DIAPH2: variants seen among roughly 807,000 people sequenced by gnomAD.
The protein encoded by DIAPH2 is diaphanous related formin 2.
In DIAPH2, 35 loss-of-function variants were observed where a neutral mutation model predicts 92.7. That is an observed-to-expected ratio of 0.38 (90% CI 0.29 to 0.50). The LOEUF (loss-of-function observed/expected upper bound fraction) is 0.50. Ranked by LOEUF, DIAPH2 falls within the 20% of genes least tolerant of loss-of-function variation. The probability of loss-of-function intolerance (pLI) is 0.94; values close to 1 mark genes in which losing one functional copy is unlikely to be tolerated. For missense variants in DIAPH2, 701 were observed against 819.5 expected (o/e 0.86, Z 1.77); for synonymous variants, 301 against 280.4 (o/e 1.07, Z -0.73).
intron 22 of DIAPH2, among the ~76,000 whole-genome samples, chrX:97,161,592 G>A (rs1347266265): frequency 9.0e-6 from 1 of 110,942 alleles, no homozygotes; most frequent in African/African-American, 3.3e-5. Context: ...TGGTGGAGAA[G>A]GGGGTTTCGC....
chrX:97,362,446 CAG>C (rs1027650471), intron 24 of DIAPH2, among the ~76,000 whole-genome samples: 8 of 111,964 alleles, frequency 7.1e-5, no homozygotes, highest in Admixed American at 3.8e-4. Flanking sequence ...TCTTAGAAAA[CAG>C]AAATGTAAAT....
chrX:96,952,506 C>T (rs565626255), intron 15 of DIAPH2, among the ~76,000 whole-genome samples: 11 of 111,107 alleles, frequency 9.9e-5, no homozygotes, highest in African/African-American at 2.9e-4. Context: ...GAGGCCGAGG[C>T]GGGCAGATCA....
intron 26 of DIAPH2, among the ~76,000 whole-genome samples, chrX:97,490,769 A>G (rs1697101431): frequency 9.0e-6 from 1 of 111,273 alleles, no homozygotes; most frequent in Non-Finnish European, 1.9e-5. Context: ...GTCAGAAAAG[A>G]TACTGTGTAG....
At chrX:96,865,149 A>C (rs150341969) in intron 4 of DIAPH2, among the ~76,000 whole-genome samples, 1,622 of 112,186 alleles carry the variant, frequency 0.014, 12 homozygotes, top group Middle Eastern at 0.023. Flanking sequence ...AAAATACCAA[A>C]TAGTAATGAG....
At chrX:96,955,345 C>T (rs1173866899) in intron 15 of DIAPH2, among the ~76,000 whole-genome samples, 2 of 111,754 alleles carry the variant, frequency 1.8e-5, no homozygotes, top group African/African-American at 6.5e-5. Flanking sequence ...CCCCCTGGTC[C>T]CGCCCTTGAC....
rs145918977 is a variant in DIAPH2 at position 96,949,824 on chromosome X, C to T, written c.1614+785C>T. ...GCAGTGAGCCGAGATCCCGCCACTG[C>T]ACTCCAGCCTGGGTGACAGAGCGAG... On this transcript the variant is annotated intron_variant, in intron 15 of 26. Transcript: ENST00000324765. Among the ~76,000 whole-genome samples the T allele has an allele frequency of 6.7e-5, 7 of 104,389 alleles. No homozygotes were observed. The East Asian group carries it at 2.1e-3, about 32-fold the overall frequency. The allele number at this position is 104,389 out of a possible 115,157, so 90.6% of individuals were successfully genotyped here.
chrX:96,988,041 A>T (rs2066043920), intron 17 of DIAPH2, among the ~76,000 whole-genome samples: 1 of 110,155 alleles, frequency 9.1e-6, no homozygotes, highest in African/African-American at 3.3e-5. Context: ...GGGTTCCTTA[A>T]TAATGTTCAG....
intron 3 of DIAPH2, among the ~76,000 whole-genome samples, chrX:96,756,911 C>CTTT (rs1172916942): frequency 2.2e-3 from 128 of 58,780 alleles, no homozygotes; most frequent in Non-Finnish European, 2.6e-3. Context: ...ATTTATATAT[C>CTTT]TTTTTTTTTT....
intron 9 of DIAPH2, among the ~76,000 whole-genome samples, chrX:96,922,417 C>CTT (rs2065552080): frequency 9.0e-6 from 1 of 111,025 alleles, no homozygotes; most frequent in African/African-American, 3.3e-5. Context: ...AGTCTTATTA[C>CTT]AAAGTATAGT....
chrX:97,256,648 C>A (rs767394692), intron 23 of DIAPH2, among the ~76,000 whole-genome samples: 189 of 111,254 alleles, frequency 1.7e-3, no homozygotes, highest in Non-Finnish European at 2.6e-3. Context: ...CTGCTCTTTT[C>A]TTCTGTTTTT....
In DIAPH2 at chrX:96,778,821, G is replaced by A. The variant is rs193188250; in HGVS notation, c.447+20563G>A. On this transcript the variant is annotated intron_variant, in intron 4 of 26. Transcript: ENST00000324765. ...CATTGTTTCCCCATGATTAGATTCA[G>A]GGTAAACATTGTGGGCAAGGATGCT... Among the ~76,000 whole-genome samples, 6 of 111,700 alleles carry A rather than the reference G, an allele frequency of 5.4e-5. No homozygotes were observed. The East Asian group carries it at 1.7e-3, about 31-fold the overall frequency.
intron 10 of DIAPH2, among the ~76,000 whole-genome samples, chrX:96,932,043 T>A (rs2065622960): frequency 9.0e-6 from 1 of 111,341 alleles, no homozygotes; most frequent in African/African-American, 3.3e-5. Flanking sequence ...TATTCTTGTT[T>A]TTTTTTTCAC....
chrX:97,211,606 A>G (rs761676847), intron 22 of DIAPH2, among the ~76,000 whole-genome samples: 2 of 111,028 alleles, frequency 1.8e-5, no homozygotes, highest in Admixed American at 1.9e-4. Flanking sequence ...CTTGCAACTG[A>G]TTTTTCTCTC....
intron 26 of DIAPH2, among the ~76,000 whole-genome samples, chrX:97,448,571 G>A (rs954931333): frequency 8.9e-6 from 1 of 112,018 alleles, no homozygotes; most frequent in African/African-American, 3.2e-5. Flanking sequence ...CAGGGGCTCT[G>A]TGAATACTGT....
At chrX:97,323,706 C>T (rs1179008863) in intron 23 of DIAPH2, among the ~76,000 whole-genome samples, 2 of 106,632 alleles carry the variant, frequency 1.9e-5, no homozygotes, top group Admixed American at 2.0e-4. Flanking sequence ...GAGTTCGACA[C>T]CAGCCTGACC....
At chrX:97,409,638 T>C (rs1161993820) in intron 25 of DIAPH2, among the ~76,000 whole-genome samples, 1 of 111,891 alleles carries the variant, frequency 8.9e-6, no homozygotes, top group Non-Finnish European at 1.9e-5. Flanking sequence ...CATGACAGAC[T>C]GTACCTGGAA....
chrX:97,282,787 A>T (rs2068509756), intron 23 of DIAPH2, among the ~76,000 whole-genome samples: 1 of 112,011 alleles, frequency 8.9e-6, no homozygotes, highest in Non-Finnish European at 1.9e-5. Context: ...TGATAGTGGT[A>T]GTTCTCTGGA....
chrX:97,365,215 G>T (rs1569374618), intron 24 of DIAPH2, among the ~76,000 whole-genome samples: 1 of 109,916 alleles, frequency 9.1e-6, no homozygotes. Context: ...TCTCAGCAAA[G>T]AAAAAAAAAT....
At chrX:97,142,924 T>G (rs2067217861) in intron 22 of DIAPH2, among the ~76,000 whole-genome samples, 1 of 111,758 alleles carries the variant, frequency 8.9e-6, no homozygotes, top group Admixed American at 9.6e-5. Context: ...AAACCCAGAA[T>G]ATTCTTTGAA....
Sources: gnomAD v4.1 joint callset for allele counts (sites outside exome capture counted in the v4.1 genomes callset) on GRCh38, gnomAD v4.1.1 for gene constraint, MANE v1.5 for transcripts, NCBI Gene and HGNC (gene_info 2026-07-23, HGNC 2026-07-21) for gene names.